Variants in PALM2AKAP2 observed in about 807,000 individuals in gnomAD.
The protein encoded by PALM2AKAP2 is PALM2 and AKAP2 fusion, also known as PALM2-AKAP2 fusion protein.
PALM2AKAP2 carries 37 observed loss-of-function variants against 71.5 expected under a neutral mutation model. That is an observed-to-expected ratio of 0.52 (90% CI 0.40 to 0.68). The LOEUF (loss-of-function observed/expected upper bound fraction) is 0.68. PALM2AKAP2 is among the 30% of genes least tolerant of loss of function. PALM2AKAP2 has a pLI of 0.00. For missense variants in PALM2AKAP2, 1,224 were observed against 1,191.8 expected, an observed-to-expected ratio of 1.03 and a Z score of -0.40; for synonymous variants, 468 against 478.8, an observed-to-expected ratio of 0.98 and a Z score of 0.29.
chr9:109,694,889 T>C (rs1262469147), intron 1 of PALM2AKAP2, among the ~76,000 whole-genome samples: 1 of 152,128 alleles, frequency 6.6e-6, no homozygotes, highest in Non-Finnish European at 1.5e-5. Context: ...TAGGAACTTA[T>C]GCTATCCCAA....
intron 1 of PALM2AKAP2, chr9:110,048,886 T>G (rs1196143054): frequency 6.6e-7 from 1 of 1,512,926 alleles, no homozygotes; most frequent in Non-Finnish European, 8.8e-7. Context: ...GGGGAGGGGC[T>G]GGAGTGTCCT....
At chr9:109,794,363 G>T (rs1827192288) in intron 1 of PALM2AKAP2, among the ~76,000 whole-genome samples, 1 of 150,902 alleles carries the variant, frequency 6.6e-6, no homozygotes, top group Non-Finnish European at 1.5e-5. Context: ...TATTGACAGG[G>T]ACTGAGGGTT....
At chr9:109,898,776 G>C (rs957541138) in intron 3 of PALM2AKAP2, among the ~76,000 whole-genome samples, 1 of 152,078 alleles carries the variant, frequency 6.6e-6, no homozygotes, top group African/African-American at 2.4e-5. Flanking sequence ...TTGGAGCAGC[G>C]TCTCTATGTC....
intron 1 of PALM2AKAP2, among the ~76,000 whole-genome samples, chr9:110,092,597 G>T (rs1406771749): frequency 6.6e-6 from 1 of 152,104 alleles, no homozygotes; most frequent in Admixed American, 6.5e-5. Flanking sequence ...TAAGGGCAGT[G>T]AAATGCTGTA....
At chr9:110,136,423 C>T (rs371376965) in exon 2 of PALM2AKAP2, 2 of 1,614,150 alleles carry the variant, frequency 1.2e-6, no homozygotes, top group Non-Finnish European at 1.7e-6. Flanking sequence ...TGCTAGAGGC[C>T]AACTGCTGTG....
intron 6 of PALM2AKAP2, among the ~76,000 whole-genome samples, chr9:109,976,989 C>T (rs970867083): frequency 2.0e-5 from 3 of 151,914 alleles, no homozygotes; most frequent in African/African-American, 7.3e-5. Context: ...GCCAGTGGTG[C>T]TCAAACTTCA....
chr9:109,730,796 T>C (rs992676386), intron 1 of PALM2AKAP2, among the ~76,000 whole-genome samples: 3 of 152,140 alleles, frequency 2.0e-5, no homozygotes, highest in African/African-American at 7.2e-5. Flanking sequence ...TCTCCAAAGA[T>C]GTTAGGCTGC....
intron 1 of PALM2AKAP2, among the ~76,000 whole-genome samples, chr9:109,794,957 G>T (rs887707724): frequency 6.6e-6 from 1 of 152,214 alleles, no homozygotes; most frequent in Non-Finnish European, 1.5e-5. Context: ...GACAGCCTTT[G>T]CTTTTCTGGT....
At chr9:109,749,465 T>C (rs1587893524) in intron 1 of PALM2AKAP2, among the ~76,000 whole-genome samples, 1 of 152,140 alleles carries the variant, frequency 6.6e-6, no homozygotes, top group Admixed American at 6.5e-5. Flanking sequence ...GCTGATTTTC[T>C]TACCTAAGAA....
intron 1 of PALM2AKAP2, among the ~76,000 whole-genome samples, chr9:110,125,155 G>C (rs916328466): frequency 3.3e-5 from 5 of 152,076 alleles, no homozygotes; most frequent in African/African-American, 1.2e-4. Context: ...ATTTCTCCAG[G>C]GTCTTTCAGA....
At chr9:110,091,291 A>G (rs2118787619) in intron 1 of PALM2AKAP2, among the ~76,000 whole-genome samples, 1 of 152,146 alleles carries the variant, frequency 6.6e-6, no homozygotes, top group South Asian at 2.1e-4. Context: ...GATTTTTTTA[A>G]AAAACCCTCT....
At chr9:109,783,457 C>T (rs940155944) in intron 1 of PALM2AKAP2, among the ~76,000 whole-genome samples, 1 of 152,140 alleles carries the variant, frequency 6.6e-6, no homozygotes, top group African/African-American at 2.4e-5. Context: ...TGCCACCATG[C>T]CCAGCTAATT....
At chr9:109,894,375 G>A (rs554850535) in intron 3 of PALM2AKAP2, among the ~76,000 whole-genome samples, 3 of 152,254 alleles carry the variant, frequency 2.0e-5, no homozygotes, top group Admixed American at 2.0e-4. Flanking sequence ...CATCTAAGTT[G>A]TCTGAGTGAT....
chr9:109,743,100 C>T (rs1828740192), intron 1 of PALM2AKAP2, among the ~76,000 whole-genome samples: 2 of 152,142 alleles, frequency 1.3e-5, no homozygotes, highest in Admixed American at 1.3e-4. Context: ...AGGCAAAAAG[C>T]TGCTTCCCAT....
At chr9:110,056,887 A>G (rs1308991241) in intron 1 of PALM2AKAP2, among the ~76,000 whole-genome samples, 5 of 152,222 alleles carry the variant, frequency 3.3e-5, no homozygotes, top group African/African-American at 9.6e-5. Context: ...AAAACCATCT[A>G]TAGCCTCCAA....
intron 7 of PALM2AKAP2, among the ~76,000 whole-genome samples, chr9:110,023,179 G>A (rs976431635): frequency 1.3e-5 from 2 of 151,502 alleles, no homozygotes; most frequent in Non-Finnish European, 2.9e-5. Context: ...GGTTGAACTA[G>A]TTTACAGTCC....
chr9:109,803,334 G>T (rs1827484905), intron 1 of PALM2AKAP2, among the ~76,000 whole-genome samples: 1 of 152,154 alleles, frequency 6.6e-6, no homozygotes, highest in Non-Finnish European at 1.5e-5. Flanking sequence ...TTGGCACTTG[G>T]ATCTGGTAGG....
At chr9:109,913,039 G>A (rs1394771895) in intron 3 of PALM2AKAP2, among the ~76,000 whole-genome samples, 1 of 152,230 alleles carries the variant, frequency 6.6e-6, no homozygotes, top group Non-Finnish European at 1.5e-5. Context: ...ACCCTAGAGA[G>A]ACTTTTTTCC....
intron 1 of PALM2AKAP2, among the ~76,000 whole-genome samples, chr9:110,053,527 C>CGAA (rs1491439308): frequency 8.4e-5 from 7 of 82,876 alleles, no homozygotes; most frequent in African/African-American, 2.7e-4. Flanking sequence ...AACTCTGTCT[C>CGAA]AAAAAAAAAA....
Sources: allele counts gnomAD v4.1 joint callset (sites outside exome capture counted in the v4.1 genomes callset), GRCh38; gene constraint gnomAD v4.1.1; transcripts MANE v1.5; gene names NCBI Gene and HGNC (gene_info 2026-07-23, HGNC 2026-07-21).